The following SLC8B1 variants were observed in gnomAD, a reference collection of about 807,000 sequenced individuals.
The protein encoded by SLC8B1 is mitochondrial sodium/calcium exchanger protein.
Under a neutral mutation model 63.4 loss-of-function variants are expected in SLC8B1, and 52 were observed. The ratio of observed to expected loss-of-function variants is 0.82; its 90% CI spans 0.66 to 1.03. The LOEUF (loss-of-function observed/expected upper bound fraction) is 1.03. Ranked by LOEUF, SLC8B1 falls within the 50% of genes least tolerant of loss-of-function variation. SLC8B1 has a pLI of 0.00. For synonymous variants in SLC8B1, 336 were observed against 323.9 expected (o/e 1.04, Z -0.40); for missense variants, 657 against 741.7 (o/e 0.89, Z 1.33).
intron 2 of SLC8B1, among the ~76,000 whole-genome samples, chr12:113,324,327 AC>A (rs200022554): frequency 1.1e-4 from 16 of 148,258 alleles, no homozygotes; most frequent in East Asian, 2.0e-4. Context: ...AAACAAACAA[AC>A]AAAAAAAAAA....
Position 113,299,567 on chromosome 12 carries a change from A to G in SLC8B1, c.*210T>C. On this transcript the variant is annotated 3_prime_UTR_variant, in exon 16 of 16. Coordinates refer to ENST00000680972, the MANE Select transcript of SLC8B1 (RefSeq NM_001358345.2). ...TGTCCAGAGCAAAGCCAGGTTTCCAAGGTCCCCACGGCAAGGCTGTTGGGT... is the reference window on the plus strand; with the variant it reads ...TGTCCAGAGCAAAGCCAGGTTTCCAGGGTCCCCACGGCAAGGCTGTTGGGT... 1.7e-6 allele frequency: 1 copy of G among 575,590 alleles called. No individual in the cohort carries two copies. The highest frequency in any genetic ancestry group is 2.0e-5 in the South Asian group (1 of 50,140). The allele number at this position is 575,590 out of a possible 1,614,324, so 35.7% of individuals were successfully genotyped here.
intron 15 of SLC8B1, 63 bp downstream of exon 15, chr12:113,304,258 G>A (rs1956639731): frequency 2.0e-6 from 3 of 1,511,400 alleles, no homozygotes; most frequent in Admixed American, 1.7e-5. Flanking sequence ...GGGCCTTCCT[G>A]CCCCTTCCCC....
At chr12:113,323,124 G>A (rs1226229759) in intron 2 of SLC8B1, among the ~76,000 whole-genome samples, 3 of 152,084 alleles carry the variant, frequency 2.0e-5, no homozygotes, top group East Asian at 1.9e-4. Flanking sequence ...GCTAGATGGA[G>A]GTTTTAGTTC....
chr12:113,316,092 C>T (rs996335172), intron 10 of SLC8B1, among the ~76,000 whole-genome samples: 3 of 152,032 alleles, frequency 2.0e-5, no homozygotes, highest in Non-Finnish European at 4.4e-5. Flanking sequence ...GGCGTGGTGG[C>T]GGGCGCCTAT....
At position 113,315,593 on chromosome 12, in the gene SLC8B1, T is replaced by G. The variant is rs1020491922; in HGVS notation, c.994-117A>C. The G allele has an allele frequency of 5.2e-5, 67 of 1,286,848 alleles. No homozygotes were observed. The African/African-American group carries it at 8.7e-4, about 17-fold the overall frequency. 79.7% of individuals were successfully genotyped at this position (1,286,848 alleles called of 1,614,324 possible). ...GTTCATTGCTGAAGCACTGACTGTG[T>G]GCGGGTTCCAGGCTAAGTGCCTGGT... On this transcript the variant is annotated intron_variant, in intron 10 of 15. Transcript: ENST00000680972.
At chr12:113,318,913 G>C in intron 8 of SLC8B1, 51 bp downstream of exon 8, 1 of 1,470,604 alleles carries the variant, frequency 6.8e-7, no homozygotes, top group East Asian at 2.3e-5. Flanking sequence ...GAAGGGCACA[G>C]AGGCCCCCAG....
intron 11 of SLC8B1, 124 bp from the exon 12 acceptor site, chr12:113,310,479 G>A (rs1956742731): frequency 1.6e-6 from 2 of 1,285,906 alleles, no homozygotes; most frequent in East Asian, 2.6e-5. Flanking sequence ...ACTTCATGGG[G>A]GCAGAAAAAT....
At chr12:113,318,418 ATG>A (rs200018664) in intron 8 of SLC8B1, among the ~76,000 whole-genome samples, 2,331 of 149,022 alleles carry the variant, frequency 0.016, 50 homozygotes, top group African/African-American at 0.054. Context: ...ATATATTTGT[ATG>A]TGTGTTGTGT....
At chr12:113,333,281 G>T (rs1957081286) in intron 1 of SLC8B1, among the ~76,000 whole-genome samples, 1 of 144,838 alleles carries the variant, frequency 6.9e-6, no homozygotes, top group Non-Finnish European at 1.5e-5. Context: ...AGGCTTCTGG[G>T]GCAGGTGGGT....
chr12:113,320,892 C>G lies in SLC8B1; in HGVS notation c.378G>C (p.Leu126Phe). 1 of 1,606,390 alleles carries G rather than the reference C, an allele frequency of 6.2e-7. No individual in the cohort carries two copies. The highest frequency in any genetic ancestry group is 8.5e-7 in the Non-Finnish European group (1 of 1,177,352). ...VTAAKFFCPN[L>F]SAISTTLKLS... The stretch of plus-strand genomic sequence containing the variant: ...GCTTCAGTGTGGTAGAAATGGCCGA[C>G]AAGTTGGGGCAGAAACTACGGAGAA... The change falls in exon 5 of 16, where the codon TTG becomes TTC. Residue 126 changes from leucine (L) to phenylalanine (F), a missense_variant. Coordinates refer to ENST00000680972, the MANE Select transcript of SLC8B1 (RefSeq NM_001358345.2). This position sits in a 1 kb window ranked among gnomAD's most constrained non-coding sequence, Gnocchi z 5.3.
At chr12:113,314,197 C>G (rs1344137107) in intron 11 of SLC8B1, among the ~76,000 whole-genome samples, 1 of 152,178 alleles carries the variant, frequency 6.6e-6, no homozygotes, top group Non-Finnish European at 1.5e-5. Context: ...CTGAGTCACT[C>G]TCTATCAATC....
At chr12:113,328,422 C>CCT (rs549743877) in intron 2 of SLC8B1, among the ~76,000 whole-genome samples, 121 of 152,314 alleles carry the variant, frequency 7.9e-4, no homozygotes, top group South Asian at 3.1e-3. Flanking sequence ...CATCTGGCCT[C>CCT]CTACCCCCAA....
intron 14 of SLC8B1, among the ~76,000 whole-genome samples, chr12:113,304,809 C>T (rs1443133630): frequency 1.3e-5 from 2 of 152,126 alleles, no homozygotes; most frequent in Non-Finnish European, 2.9e-5. Context: ...TGCTGTGTTG[C>T]CCAGGCAAAT....
chr12:113,322,726 C>G (rs1956947410), intron 2 of SLC8B1, among the ~76,000 whole-genome samples: 1 of 152,084 alleles, frequency 6.6e-6, no homozygotes, highest in African/African-American at 2.4e-5. Context: ...GCTGCAGGAT[C>G]ACTTGACCTC....
intron 2 of SLC8B1, among the ~76,000 whole-genome samples, chr12:113,323,409 T>C (rs189588272): frequency 6.6e-6 from 1 of 152,172 alleles, no homozygotes; most frequent in Admixed American, 6.5e-5. Flanking sequence ...AGGAATGTCA[T>C]TGTTAAACTG....
intron 2 of SLC8B1, among the ~76,000 whole-genome samples, chr12:113,327,547 C>T (rs1479341754): frequency 2.0e-5 from 3 of 151,416 alleles, no homozygotes; most frequent in East Asian, 1.9e-4. Flanking sequence ...TAGCCAGGCA[C>T]GGTGGCGTGT....
intron 2 of SLC8B1, among the ~76,000 whole-genome samples, chr12:113,326,892 T>TTGG (rs1957003442): frequency 6.6e-6 from 1 of 152,102 alleles, no homozygotes; most frequent in East Asian, 1.9e-4. Flanking sequence ...GGAGTGATGG[T>TTGG]GTGCACATCC....
At position 113,310,346 on chromosome 12, in the gene SLC8B1, T is replaced by C. The variant is rs1163744979; in HGVS notation, c.1145A>G (p.Tyr382Cys). ...LTLQSGTYGV[Y>C]EIGGLVPVWV... ...GACGGGAACGAGGCCGCCTATCTCA[T>C]AGACACCATCTGCAAAGGGAGAGAA... Residue 382 changes from tyrosine (Y) to cysteine (C), a missense_variant, in exon 12 of 16, where the codon TAT (tyrosine) becomes TGT (cysteine). By Grantham distance (194) the Tyr-to-Cys change is radical (BLOSUM62 -2). Coordinates refer to ENST00000680972, the MANE Select transcript of SLC8B1 (RefSeq NM_001358345.2). 18 of 1,613,294 alleles carry C rather than the reference T, an allele frequency of 1.1e-5. No individual in the cohort carries two copies. The highest frequency in any genetic ancestry group is 1.4e-5 in the Non-Finnish European group (17 of 1,179,836).
At chr12:113,316,172 C>T (rs1198051354) in intron 10 of SLC8B1, among the ~76,000 whole-genome samples, 5 of 151,498 alleles carry the variant, frequency 3.3e-5, no homozygotes, top group South Asian at 2.1e-4. Flanking sequence ...TGCAGTGAGC[C>T]GAGACCGCGC....
Sources: allele counts gnomAD v4.1 joint callset (sites outside exome capture counted in the v4.1 genomes callset), GRCh38; gene constraint gnomAD v4.1.1; non-coding constraint Gnocchi (gnomAD v3.1); transcripts MANE v1.5; gene names NCBI Gene and HGNC (gene_info 2026-07-23, HGNC 2026-07-21).